The following CTNNA3 variants were observed in gnomAD, a reference collection of about 807,000 sequenced individuals.
The protein encoded by CTNNA3 is catenin alpha-3.
CTNNA3 carries 76 observed loss-of-function variants against 95.7 expected under a neutral mutation model. The observed-to-expected ratio is 0.79, with a 90% CI of 0.66 to 0.96. CTNNA3 has a LOEUF of 0.96. Among genes scored for constraint, CTNNA3 ranks in the 40% least tolerant of loss-of-function variants. CTNNA3 has a pLI of 0.00. For missense variants in CTNNA3, 1,191 were observed against 1,089.8 expected (o/e 1.09, Z -1.31); for synonymous variants, 431 against 374.4 (o/e 1.15, Z -1.74).
At chr10:67,759,823 C>T (rs1841453502) in intron 1 of CTNNA3, among the ~76,000 whole-genome samples, 1 of 152,174 alleles carries the variant, frequency 6.6e-6, no homozygotes, top group Non-Finnish European at 1.5e-5. Flanking sequence ...CTACTGACAA[C>T]CAGCAAGTCT....
At chr10:66,028,435 G>A (rs1463697071) in intron 15 of CTNNA3, among the ~76,000 whole-genome samples, 1 of 152,154 alleles carries the variant, frequency 6.6e-6, no homozygotes, top group African/African-American at 2.4e-5. Flanking sequence ...ATGAGTTCAT[G>A]TCCTTTGTAA....
chr10:66,582,277 A>G (rs1843214857), intron 10 of CTNNA3, among the ~76,000 whole-genome samples: 1 of 151,602 alleles, frequency 6.6e-6, no homozygotes, highest in Non-Finnish European at 1.5e-5. Context: ...ACCCATGAGC[A>G]AAGAATGTAT....
intron 12 of CTNNA3, among the ~76,000 whole-genome samples, chr10:66,354,452 C>A (rs1316932137): frequency 1.3e-5 from 2 of 151,912 alleles, no homozygotes; most frequent in Non-Finnish European, 2.9e-5. Flanking sequence ...CTTGAGATAT[C>A]AAAAATGTGT....
intron 1 of CTNNA3, among the ~76,000 whole-genome samples, chr10:67,750,047 G>A (rs969206596): frequency 1.2e-4 from 18 of 152,104 alleles, no homozygotes; most frequent in Non-Finnish European, 2.1e-4. Flanking sequence ...GTGAAGGTCC[G>A]CGGGCTCATT....
intron 11 of CTNNA3, among the ~76,000 whole-genome samples, chr10:66,508,409 T>A (rs1479634851): frequency 6.6e-6 from 1 of 151,932 alleles, no homozygotes; most frequent in East Asian, 1.9e-4. Context: ...TGAAAACTCC[T>A]GATAACACTT....
At chr10:66,666,879 A>T (rs1846471340) in intron 9 of CTNNA3, among the ~76,000 whole-genome samples, 1 of 152,114 alleles carries the variant, frequency 6.6e-6, no homozygotes, top group South Asian at 2.1e-4. Context: ...TTATGTACTT[A>T]AATATCTGTG....
At chr10:67,108,362 CTG>C (rs1361757914) in intron 7 of CTNNA3, among the ~76,000 whole-genome samples, 6 of 152,012 alleles carry the variant, frequency 3.9e-5, no homozygotes, top group African/African-American at 7.2e-5. Context: ...ACAGTTACCT[CTG>C]TGTTTATTTG....
chr10:67,157,225 C>T (rs532480230), intron 7 of CTNNA3, among the ~76,000 whole-genome samples: 1 of 152,308 alleles, frequency 6.6e-6, no homozygotes, highest in Admixed American at 6.5e-5. Context: ...CAAACACACA[C>T]ACACACAAAT....
rs1325901374 is a variant in CTNNA3, at chr10:66,141,818, C to T, written c.1885-38569G>A. On this transcript the variant is annotated intron_variant, in intron 13 of 17. Transcript: ENST00000433211. ...TAAAACAAGCAAAACACTGTCTATT[C>T]GAATTCAAGCATTGCCAACAAATTG... Among the ~76,000 whole-genome samples, 8 of 152,100 alleles carry T rather than the reference C, an allele frequency of 5.3e-5. No individual in the cohort carries two copies. The East Asian group carries it at 1.2e-3, about 22-fold the overall frequency.
chr10:67,433,925 GT>G (rs1397939930), intron 5 of CTNNA3, among the ~76,000 whole-genome samples: 2 of 151,994 alleles, frequency 1.3e-5, no homozygotes, highest in Non-Finnish European at 2.9e-5. Context: ...GTACTAGGCA[GT>G]CAGAACTGCC....
chr10:67,622,667 C>T (rs73268199), intron 2 of CTNNA3, among the ~76,000 whole-genome samples: 20,204 of 152,098 alleles, frequency 0.13, 2,408 homozygotes, highest in African/African-American at 0.32. Flanking sequence ...ATGGGTTTTC[C>T]TATCCTTATT....
At chr10:66,931,542 A>G (rs1847393660) in intron 7 of CTNNA3, among the ~76,000 whole-genome samples, 1 of 152,214 alleles carries the variant, frequency 6.6e-6, no homozygotes, top group Admixed American at 6.5e-5. Context: ...TCTATGGAGC[A>G]GCAGTGACCT....
chr10:66,951,128 T>A (rs1848519273), intron 7 of CTNNA3, among the ~76,000 whole-genome samples: 1 of 151,902 alleles, frequency 6.6e-6, no homozygotes, highest in Non-Finnish European at 1.5e-5. Context: ...CTGTCTTTTT[T>A]TTTTTTTAAG....
chr10:67,503,381 C>T (rs1839293518), intron 5 of CTNNA3, among the ~76,000 whole-genome samples: 2 of 152,208 alleles, frequency 1.3e-5, no homozygotes, highest in South Asian at 4.1e-4. Context: ...ATTGATCTTG[C>T]TGGGAGCTGC....
chr10:67,608,506 G>C (rs1843352319), intron 2 of CTNNA3, among the ~76,000 whole-genome samples: 1 of 152,104 alleles, frequency 6.6e-6, no homozygotes, highest in African/African-American at 2.4e-5. Flanking sequence ...TCTTCGAGTA[G>C]CAAAACTTGA....
chr10:67,597,418 T>G (rs1448643002), intron 3 of CTNNA3, among the ~76,000 whole-genome samples: 1 of 152,222 alleles, frequency 6.6e-6, no homozygotes. Context: ...GAGCTTGTTC[T>G]CCTTTGGATC....
intron 11 of CTNNA3, among the ~76,000 whole-genome samples, chr10:66,477,749 A>T (rs1448955551): frequency 6.6e-6 from 1 of 152,110 alleles, no homozygotes; most frequent in African/African-American, 2.4e-5. Context: ...GAGGCCCTTC[A>T]TATCACAAAT....
intron 14 of CTNNA3, among the ~76,000 whole-genome samples, chr10:66,081,945 C>T (rs938276786): frequency 2.0e-5 from 3 of 151,918 alleles, no homozygotes; most frequent in Non-Finnish European, 4.4e-5. Flanking sequence ...GGTGAAACCC[C>T]ATCTCTACTA....
At chr10:66,324,687 G>A (rs572133238) in intron 12 of CTNNA3, among the ~76,000 whole-genome samples, 2 of 152,198 alleles carry the variant, frequency 1.3e-5, no homozygotes, top group South Asian at 2.1e-4. Flanking sequence ...TCCATGTCCT[G>A]CATGGGGGAT....
Sources: allele counts gnomAD v4.1 joint callset (sites outside exome capture counted in the v4.1 genomes callset), GRCh38; gene constraint gnomAD v4.1.1; transcripts MANE v1.5; gene names NCBI Gene and HGNC (gene_info 2026-07-23, HGNC 2026-07-21).